The following PTPRK variants were observed in gnomAD, a reference collection of about 807,000 sequenced individuals.
PTPRK encodes the protein receptor-type tyrosine-protein phosphatase kappa.
Under a neutral mutation model 178.0 loss-of-function variants are expected in PTPRK, and 75 were observed. The observed-to-expected ratio is 0.42, with a 90% CI of 0.35 to 0.51. The LOEUF (loss-of-function observed/expected upper bound fraction) is 0.51, where lower values mean the gene tolerates loss of function less well. Among genes scored for constraint, PTPRK ranks in the 20% least tolerant of loss-of-function variants. The probability of loss-of-function intolerance (pLI) is 0.02; values close to 1 mark genes in which losing one functional copy is unlikely to be tolerated. For missense variants in PTPRK, 1,441 were observed against 1,797.8 expected (o/e 0.80, Z 3.59); for synonymous variants, 637 against 620.6 (o/e 1.03, Z -0.39).
chr6:128,427,079 T>G (rs1844232576), intron 1 of PTPRK, among the ~76,000 whole-genome samples: 1 of 152,222 alleles, frequency 6.6e-6, no homozygotes, highest in African/African-American at 2.4e-5. Context: ...CCATTAGTAC[T>G]GAACAGGCAC....
intron 5 of PTPRK, among the ~76,000 whole-genome samples, chr6:128,221,290 C>T (rs939393040): frequency 2.0e-5 from 3 of 149,696 alleles, no homozygotes; most frequent in Admixed American, 6.7e-5. Context: ...TTTGTGAGGC[C>T]GAGGCGGCTG....
chr6:128,037,972 G>A (rs1045026742), intron 13 of PTPRK, among the ~76,000 whole-genome samples: 29 of 151,976 alleles, frequency 1.9e-4, no homozygotes, highest in African/African-American at 7.0e-4. Context: ...TTTTCATGTG[G>A]TTTTAACACT....
chr6:128,288,006 T>C (rs1332678559), intron 3 of PTPRK, among the ~76,000 whole-genome samples: 3 of 152,202 alleles, frequency 2.0e-5, no homozygotes, highest in African/African-American at 7.2e-5. Flanking sequence ...TCCAACTAAC[T>C]TGTCTTCCCA....
intron 2 of PTPRK, among the ~76,000 whole-genome samples, chr6:128,389,566 T>C (rs957057218): frequency 1.3e-5 from 2 of 151,892 alleles, no homozygotes; most frequent in Admixed American, 1.3e-4. Context: ...CATAACTGTA[T>C]TTTCGGTCAC....
chr6:128,362,205 G>C (rs1044920058), intron 2 of PTPRK, among the ~76,000 whole-genome samples: 2 of 152,124 alleles, frequency 1.3e-5, no homozygotes, highest in Non-Finnish European at 2.9e-5. Flanking sequence ...AAATAAAGGG[G>C]AAGCGGGCAT....
intron 7 of PTPRK, among the ~76,000 whole-genome samples, chr6:128,131,630 G>A (rs751579378): frequency 1.3e-5 from 2 of 152,094 alleles, no homozygotes; most frequent in Admixed American, 6.6e-5. Flanking sequence ...AAATTAGGAC[G>A]CCTGCAGAAC....
chr6:128,170,075 T>C (rs764199750), intron 7 of PTPRK, among the ~76,000 whole-genome samples: 1 of 152,090 alleles, frequency 6.6e-6, no homozygotes, highest in Non-Finnish European at 1.5e-5. Flanking sequence ...AATGGCAATA[T>C]GATTTCCTAA....
At chr6:128,149,862 T>C (rs1431879958) in intron 7 of PTPRK, among the ~76,000 whole-genome samples, 3 of 152,116 alleles carry the variant, frequency 2.0e-5, no homozygotes, top group South Asian at 4.1e-4. Context: ...AGAGAAGAGG[T>C]AGTCACTGCT....
chr6:128,014,359 T>C (rs989798763), intron 13 of PTPRK, among the ~76,000 whole-genome samples: 10 of 151,648 alleles, frequency 6.6e-5, no homozygotes, highest in Non-Finnish European at 1.3e-4. Flanking sequence ...AGGGATTGGA[T>C]CAGCAAGACC....
At chr6:128,460,212 C>T (rs913269173) in intron 1 of PTPRK, among the ~76,000 whole-genome samples, 3 of 152,086 alleles carry the variant, frequency 2.0e-5, no homozygotes, top group Non-Finnish European at 2.9e-5. Flanking sequence ...ATTATAGATT[C>T]ATTGTATGTC....
chr6:128,468,507 C>G (rs530225896), intron 1 of PTPRK, among the ~76,000 whole-genome samples: 17 of 152,242 alleles, frequency 1.1e-4, no homozygotes, highest in African/African-American at 4.1e-4. Context: ...TTTGCCTCTA[C>G]TTGGACTTTT....
At chr6:128,155,147 C>T (rs115736168) in intron 7 of PTPRK, among the ~76,000 whole-genome samples, 6 of 151,836 alleles carry the variant, frequency 4.0e-5, no homozygotes, top group East Asian at 1.9e-4. Flanking sequence ...ATTATTCACA[C>T]ATCTCTCAGT....
At chr6:128,105,412 C>T (rs540399185) in intron 7 of PTPRK, among the ~76,000 whole-genome samples, 1 of 152,140 alleles carries the variant, frequency 6.6e-6, no homozygotes, top group African/African-American at 2.4e-5. Context: ...GGATTACAGG[C>T]GTGAGCCACC....
intron 3 of PTPRK, among the ~76,000 whole-genome samples, chr6:128,252,198 C>T (rs1816569566): frequency 6.6e-6 from 1 of 152,206 alleles, no homozygotes; most frequent in Non-Finnish European, 1.5e-5. Context: ...AAGCATACTA[C>T]ATTCCTATGT....
chr6:128,334,851 G>A (rs1830706251), intron 2 of PTPRK, among the ~76,000 whole-genome samples: 4 of 152,148 alleles, frequency 2.6e-5, no homozygotes, highest in African/African-American at 2.4e-5. Flanking sequence ...CGGACTTTGG[G>A]GGCTGAGGAG....
intron 1 of PTPRK, among the ~76,000 whole-genome samples, chr6:128,435,086 A>G (rs140388990): frequency 9.5e-6 from 1 of 105,350 alleles, no homozygotes; most frequent in African/African-American, 5.2e-5. Flanking sequence ...GGAAGGAAGG[A>G]AGGAAGGAAG....
intron 6 of PTPRK, among the ~76,000 whole-genome samples, chr6:128,214,120 A>G (rs1020720988): frequency 2.0e-5 from 3 of 152,182 alleles, no homozygotes; most frequent in Non-Finnish European, 2.9e-5. Flanking sequence ...GAAGCAAACA[A>G]AGATGAACAA....
chr6:128,100,613 T>A (rs1236223153), intron 7 of PTPRK, among the ~76,000 whole-genome samples: 1 of 152,020 alleles, frequency 6.6e-6, no homozygotes, highest in Non-Finnish European at 1.5e-5. Context: ...TTGATCTTTG[T>A]TTCCTATGAA....
intron 3 of PTPRK, among the ~76,000 whole-genome samples, chr6:128,242,884 G>A (rs1814724506): frequency 6.6e-6 from 1 of 152,142 alleles, no homozygotes; most frequent in Non-Finnish European, 1.5e-5. Flanking sequence ...TATATAGGCA[G>A]ACATAGAAAA....
Sources: gnomAD v4.1 joint callset for allele counts (sites outside exome capture counted in the v4.1 genomes callset) on GRCh38, gnomAD v4.1.1 for gene constraint, MANE v1.5 for transcripts, NCBI Gene and HGNC (gene_info 2026-07-23, HGNC 2026-07-21) for gene names.